Variants in CTNND2 observed in about 807,000 individuals in gnomAD.
CTNND2 encodes the protein catenin delta 2.
CTNND2 carries 22 observed loss-of-function variants against 144.4 expected under a neutral mutation model. That is an observed-to-expected ratio of 0.15 (90% confidence interval 0.11 to 0.22). The LOEUF (loss-of-function observed/expected upper bound fraction) is 0.22, where lower values mean the gene tolerates loss of function less well. Ranked by LOEUF, CTNND2 falls within the 10% of genes least tolerant of loss-of-function variation. CTNND2 has a pLI of 1.00. For synonymous variants in CTNND2, 751 were observed against 695.6 expected, an observed-to-expected ratio of 1.08 and a Z score of -1.25; for missense variants, 1,353 against 1,618.8, an observed-to-expected ratio of 0.84 and a Z score of 2.82.
intron 9 of CTNND2, among the ~76,000 whole-genome samples, chr5:11,297,825 A>T (rs889718261): frequency 2.6e-5 from 4 of 152,118 alleles, no homozygotes; most frequent in African/African-American, 9.7e-5. Flanking sequence ...GGATGCAAAA[A>T]TCTATTCCAC....
At chr5:11,700,849 T>A (rs1368486997) in intron 2 of CTNND2, among the ~76,000 whole-genome samples, 1 of 152,210 alleles carries the variant, frequency 6.6e-6, no homozygotes, top group East Asian at 1.9e-4. Context: ...TTGAAAAGCA[T>A]GTGATCTACT....
chr5:11,412,858 T>G (rs1490496710), intron 3 of CTNND2, among the ~76,000 whole-genome samples: 1 of 152,168 alleles, frequency 6.6e-6, no homozygotes, highest in East Asian at 1.9e-4. Flanking sequence ...TGAGAATGAT[T>G]TTGTACACTT....
intron 1 of CTNND2, among the ~76,000 whole-genome samples, chr5:11,850,612 C>T: frequency 6.6e-6 from 1 of 152,096 alleles, no homozygotes; most frequent in Non-Finnish European, 1.5e-5. Flanking sequence ...GAGTTCTTTT[C>T]TTCATTTACT....
intron 15 of CTNND2, among the ~76,000 whole-genome samples, chr5:11,092,038 G>A (rs1288364465): frequency 1.3e-5 from 2 of 152,102 alleles, no homozygotes; most frequent in Non-Finnish European, 2.9e-5. Context: ...AGTCTACCGA[G>A]ATCCCCCTGG....
chr5:10,980,890 G>A lies in CTNND2; in HGVS notation c.3417+883C>T, dbSNP rs542666041. On this transcript the variant is annotated intron_variant, in intron 21 of 21. Coordinates refer to ENST00000304623, the MANE Select transcript of CTNND2 (RefSeq NM_001332.4). ...AGGGGAACATCACACACTGGGGCCT[G>A]CTGGGGGTCAGGGGCTAGGGGAGGG... 1.3e-5 allele frequency among the ~76,000 whole-genome samples: 2 copies of A among 152,176 alleles called. 1 individual carries two copies. Among genetic ancestry groups the A allele is most frequent in the South Asian group, 4.2e-4 (2 of 4,808 alleles).
chr5:11,755,763 G>A (rs954327559), intron 1 of CTNND2, among the ~76,000 whole-genome samples: 1 of 150,952 alleles, frequency 6.6e-6, no homozygotes, highest in Non-Finnish European at 1.5e-5. Context: ...TTCTTGAAGT[G>A]AGCTTTTCAG....
chr5:11,155,637 C>T (rs1580440258), intron 12 of CTNND2, among the ~76,000 whole-genome samples: 1 of 152,092 alleles, frequency 6.6e-6, no homozygotes, highest in East Asian at 1.9e-4. Flanking sequence ...CCCGCAACCC[C>T]ACCTCCCCAT....
intron 18 of CTNND2, among the ~76,000 whole-genome samples, chr5:11,017,080 TA>T (rs1483631521): frequency 1.3e-4 from 20 of 152,004 alleles, no homozygotes; most frequent in South Asian, 2.1e-4. Context: ...CATGGCCTTC[TA>T]CCCCTATTTG....
intron 3 of CTNND2, among the ~76,000 whole-genome samples, chr5:11,478,543 C>T (rs761122120): frequency 1.2e-4 from 18 of 152,234 alleles, no homozygotes; most frequent in Non-Finnish European, 2.6e-4. Context: ...CCAGCCACAT[C>T]TGTTCATTTA....
intron 3 of CTNND2, among the ~76,000 whole-genome samples, chr5:11,556,252 C>G (rs2150092667): frequency 6.6e-6 from 1 of 152,056 alleles, no homozygotes; most frequent in South Asian, 2.1e-4. Context: ...GGTTGGTAAA[C>G]AGTAAAAAGC....
At chr5:11,643,209 T>C (rs1383907194) in intron 2 of CTNND2, among the ~76,000 whole-genome samples, 1 of 149,272 alleles carries the variant, frequency 6.7e-6, no homozygotes, top group Non-Finnish European at 1.5e-5. Context: ...ATACATTTAA[T>C]ATTTTATTTT....
chr5:11,409,085 T>A (rs1364764605), intron 5 of CTNND2, among the ~76,000 whole-genome samples: 1 of 151,872 alleles, frequency 6.6e-6, no homozygotes, highest in Admixed American at 6.6e-5. Flanking sequence ...TCTGAATGTG[T>A]TTTTTCCCCC....
Position 11,207,414 on chromosome 5 carries a change from C to T in CTNND2, c.1762-7753G>A, listed in dbSNP as rs142208770. On this transcript the variant is annotated intron_variant, in intron 10 of 21. Transcript: ENST00000304623. ...AAAAAAAAAAAGAATACATTCAAGGCCTCATGTTATTTAACTTTATTATAT... is the reference window on the plus strand; with the variant it reads ...AAAAAAAAAAAGAATACATTCAAGGTCTCATGTTATTTAACTTTATTATAT... Among the ~76,000 whole-genome samples the T allele has an allele frequency of 4.1e-4, 62 of 151,828 alleles. No homozygotes were observed. In the East Asian group the frequency reaches 0.011, roughly 27 times the overall value.
intron 16 of CTNND2, among the ~76,000 whole-genome samples, chr5:11,059,026 T>C (rs1270921722): frequency 6.6e-6 from 1 of 152,222 alleles, no homozygotes; most frequent in Admixed American, 6.5e-5. Flanking sequence ...TTGCTTTTGA[T>C]TTTACAGGCT....
intron 3 of CTNND2, among the ~76,000 whole-genome samples, chr5:11,520,816 T>C (rs1019855094): frequency 3.1e-4 from 47 of 152,220 alleles, no homozygotes; most frequent in Non-Finnish European, 5.3e-4. Flanking sequence ...AACAACCATA[T>C]GCCAGAGCTT....
At chr5:11,693,737 A>G (rs1785011679) in intron 2 of CTNND2, among the ~76,000 whole-genome samples, 1 of 152,232 alleles carries the variant, frequency 6.6e-6, no homozygotes, top group Admixed American at 6.5e-5. Context: ...CCTAAGCTTA[A>G]GTAGCAGCCT....
At chr5:11,471,826 G>A (rs1767261034) in intron 3 of CTNND2, among the ~76,000 whole-genome samples, 1 of 152,132 alleles carries the variant, frequency 6.6e-6, no homozygotes, top group African/African-American at 2.4e-5. Flanking sequence ...TAGGAATTAG[G>A]TTTAATATGG....
intron 11 of CTNND2, among the ~76,000 whole-genome samples, chr5:11,163,380 T>C (rs1758988018): frequency 6.6e-6 from 1 of 152,200 alleles, no homozygotes; most frequent in African/African-American, 2.4e-5. Flanking sequence ...AACCAAGCCT[T>C]CGAATGACTG....
chr5:11,458,168 G>C (rs1056617533), intron 3 of CTNND2, among the ~76,000 whole-genome samples: 3 of 152,096 alleles, frequency 2.0e-5, no homozygotes, highest in African/African-American at 7.2e-5. Flanking sequence ...AATCTCTCTA[G>C]TCCTCACCAA....
Sources: gnomAD v4.1 joint callset for allele counts (sites outside exome capture counted in the v4.1 genomes callset) on GRCh38, gnomAD v4.1.1 for gene constraint, MANE v1.5 for transcripts, NCBI Gene and HGNC (gene_info 2026-07-23, HGNC 2026-07-21) for gene names.